SLC8A1: variants seen among roughly 807,000 people sequenced by gnomAD.
SLC8A1 encodes the protein sodium/calcium exchanger 1.
Under a neutral mutation model 68.3 loss-of-function variants are expected in SLC8A1, and 18 were observed. The ratio of observed to expected loss-of-function variants is 0.26; its 90% CI spans 0.18 to 0.39. The LOEUF (loss-of-function observed/expected upper bound fraction) is 0.39, where lower values mean the gene tolerates loss of function less well. Ranked by LOEUF, SLC8A1 falls within the 10% of genes least tolerant of loss-of-function variation. SLC8A1 has a pLI of 1.00. For synonymous variants in SLC8A1, 475 were observed against 415.5 expected (o/e 1.14, Z -1.74); for missense variants, 985 against 1,156.7 (o/e 0.85, Z 2.15).
intron 1 of SLC8A1, among the ~76,000 whole-genome samples, chr2:40,503,570 C>T (rs898561899): frequency 6.6e-6 from 1 of 152,034 alleles, no homozygotes; most frequent in African/African-American, 2.4e-5. Context: ...AAAGACTCCA[C>T]ATGAAAGCTA....
intron 1 of SLC8A1, among the ~76,000 whole-genome samples, chr2:40,461,122 A>G (rs2373864): frequency 0.49 from 75,146 of 151,984 alleles, 19,296 homozygotes; most frequent in Middle Eastern, 0.57. Flanking sequence ...CTGAGTTTTC[A>G]TTTTGAGAGG....
intron 2 of SLC8A1, among the ~76,000 whole-genome samples, chr2:40,349,433 GA>G (rs1385428945): frequency 6.6e-6 from 1 of 152,206 alleles, no homozygotes; most frequent in Non-Finnish European, 1.5e-5. Context: ...AAGGGAAGCA[GA>G]ATAAAAGACT....
chr2:40,303,111 C>G (rs1291233654), intron 2 of SLC8A1, among the ~76,000 whole-genome samples: 1 of 152,168 alleles, frequency 6.6e-6, no homozygotes, highest in Non-Finnish European at 1.5e-5. Context: ...CTGCCAAAAT[C>G]TGATTCATTT....
intron 1 of SLC8A1, among the ~76,000 whole-genome samples, chr2:40,439,381 A>C (rs1448136429): frequency 6.6e-6 from 1 of 152,118 alleles, no homozygotes; most frequent in Admixed American, 6.6e-5. Context: ...AAAATGAAGT[A>C]CTGGGTGGTA....
chr2:40,505,882 T>C (rs186109306), intron 1 of SLC8A1, among the ~76,000 whole-genome samples: 1 of 152,070 alleles, frequency 6.6e-6, no homozygotes, highest in African/African-American at 2.4e-5. Context: ...TCAAATTAAT[T>C]CCCTTAGATA....
chr2:40,433,526 A>G (rs1401516984), intron 1 of SLC8A1, among the ~76,000 whole-genome samples: 1 of 152,190 alleles, frequency 6.6e-6, no homozygotes, highest in Non-Finnish European at 1.5e-5. Context: ...TTGCTGTTAT[A>G]AAATGCCTAG....
chr2:40,212,509 T>C (rs1357502698), intron 2 of SLC8A1, among the ~76,000 whole-genome samples: 1 of 152,098 alleles, frequency 6.6e-6, no homozygotes, highest in Non-Finnish European at 1.5e-5. Flanking sequence ...GGTCTGTATC[T>C]CCTGACCTTG....
At chr2:40,419,207 G>T (rs997177926) in intron 2 of SLC8A1, among the ~76,000 whole-genome samples, 4 of 152,166 alleles carry the variant, frequency 2.6e-5, no homozygotes, top group Non-Finnish European at 5.9e-5. Flanking sequence ...CAATGAATAG[G>T]GCCCAGCCCT....
At chr2:40,121,456 G>A (rs911977855) in intron 7 of SLC8A1, among the ~76,000 whole-genome samples, 1 of 152,142 alleles carries the variant, frequency 6.6e-6, no homozygotes, top group Non-Finnish European at 1.5e-5. Context: ...CTGATAAAAT[G>A]TGGGTAGGCG....
At chr2:40,177,823 T>C (rs1269211499) in exon 3 of SLC8A1, 1 of 1,551,066 alleles carries the variant, frequency 6.4e-7, no homozygotes, top group Non-Finnish European at 8.7e-7. Context: ...CTCATATTCC[T>C]CACGGTCAAA....
intron 2 of SLC8A1, among the ~76,000 whole-genome samples, chr2:40,346,203 G>A (rs1029648096): frequency 1.3e-5 from 2 of 152,022 alleles, no homozygotes; most frequent in African/African-American, 4.8e-5. Flanking sequence ...CTATATTTAG[G>A]GTTGATTTCT....
chr2:40,449,590 C>T (rs1403354555), intron 1 of SLC8A1, among the ~76,000 whole-genome samples: 1 of 152,154 alleles, frequency 6.6e-6, no homozygotes, highest in African/African-American at 2.4e-5. Flanking sequence ...ACTGTTACTC[C>T]CATGCTCTTT....
intron 2 of SLC8A1, among the ~76,000 whole-genome samples, chr2:40,311,212 C>T (rs1340229878): frequency 3.9e-5 from 6 of 152,002 alleles, no homozygotes; most frequent in African/African-American, 7.2e-5. Flanking sequence ...ATAAATATCA[C>T]GTGATGACCA....
At chr2:40,228,512 C>CA (rs943949241) in intron 2 of SLC8A1, among the ~76,000 whole-genome samples, 2 of 152,172 alleles carry the variant, frequency 1.3e-5, no homozygotes, top group Admixed American at 6.5e-5. Flanking sequence ...CGGCTGCAGC[C>CA]AAAATCCCAC....
At chr2:40,131,815 T>C (rs2039392593) in intron 7 of SLC8A1, among the ~76,000 whole-genome samples, 1 of 151,062 alleles carries the variant, frequency 6.6e-6, no homozygotes, top group Non-Finnish European at 1.5e-5. Context: ...TCAGATTCAT[T>C]AGTGGCACAT....
chr2:40,263,148 G>T (rs2540903), intron 2 of SLC8A1, among the ~76,000 whole-genome samples: 23,191 of 152,168 alleles, frequency 0.15, 2,018 homozygotes, highest in Admixed American at 0.28. Flanking sequence ...GAGGATGACT[G>T]AAGCCATGCT....
intron 2 of SLC8A1, among the ~76,000 whole-genome samples, chr2:40,367,039 A>G (rs1676441052): frequency 6.6e-6 from 1 of 151,998 alleles, no homozygotes; most frequent in African/African-American, 2.4e-5. Flanking sequence ...TGGTTGTCAA[A>G]AAAATGAATT....
intron 1 of SLC8A1, among the ~76,000 whole-genome samples, chr2:40,466,860 T>G (rs563273259): frequency 2.6e-5 from 4 of 151,862 alleles, no homozygotes; most frequent in African/African-American, 9.7e-5. Flanking sequence ...CCTGAAAAAC[T>G]ATATATGATT....
At chr2:40,237,697 C>A (rs1426092125) in intron 2 of SLC8A1, among the ~76,000 whole-genome samples, 6 of 152,024 alleles carry the variant, frequency 3.9e-5, no homozygotes, top group East Asian at 3.9e-4. Context: ...TTTAGAGTTT[C>A]CAGTTTTTCT....
Sources: gnomAD v4.1 joint callset for allele counts (sites outside exome capture counted in the v4.1 genomes callset) on GRCh38, gnomAD v4.1.1 for gene constraint, MANE v1.5 for transcripts, NCBI Gene and HGNC (gene_info 2026-07-23, HGNC 2026-07-21) for gene names.